The following SLCO2B1 variants were observed in gnomAD, a reference collection of about 807,000 sequenced individuals.
SLCO2B1 encodes the protein OATP-RP2.
SLCO2B1 carries 41 observed loss-of-function variants against 67.3 expected under a neutral mutation model. The ratio of observed to expected loss-of-function variants is 0.61; its 90% CI spans 0.47 to 0.79. The LOEUF is 0.79. Ranked by LOEUF, SLCO2B1 falls within the 30% of genes least tolerant of loss-of-function variation. The probability of loss-of-function intolerance (pLI) is 0.00; values close to 1 mark genes in which losing one functional copy is unlikely to be tolerated. For synonymous variants in SLCO2B1, 379 were observed against 381.4 expected, an observed-to-expected ratio of 0.99 and a Z score of 0.07; for missense variants, 837 against 920.1, an observed-to-expected ratio of 0.91 and a Z score of 1.17.
At chr11:75,168,582 C>A (rs750014318) in intron 4 of SLCO2B1, among the ~76,000 whole-genome samples, 1 of 152,174 alleles carries the variant, frequency 6.6e-6, no homozygotes, top group Admixed American at 6.5e-5. Context: ...GAACCCTCCC[C>A]CAAAGTGAAT....
intron 2 of SLCO2B1, 58 bp downstream of exon 2, chr11:75,162,843 G>C: frequency 6.4e-7 from 1 of 1,569,850 alleles, no homozygotes; most frequent in African/African-American, 1.4e-5. Context: ...TCTGCCACGT[G>C]CTGGTGGTGT....
intron 7 of SLCO2B1, 71 bp from the exon 8 acceptor site, chr11:75,188,065 C>A: frequency 9.4e-7 from 1 of 1,061,688 alleles, no homozygotes; most frequent in Non-Finnish European, 1.4e-6. Flanking sequence ...CTCTCCTCCC[C>A]AGCCCACAGC....
chr11:75,197,073 G>A (rs924428283), intron 10 of SLCO2B1, among the ~76,000 whole-genome samples: 6 of 152,212 alleles, frequency 3.9e-5, no homozygotes, highest in African/African-American at 1.4e-4. Context: ...CTGAGATCAT[G>A]CCATTACACT....
In SLCO2B1 at chr11:75,193,149, C is replaced by A; in HGVS notation, c.1076-69C>A. On this transcript the variant is annotated intron_variant, in intron 8 of 13. Transcript: ENST00000289575. The surrounding 1 kb of genome is among the most constrained non-coding windows in gnomAD (Gnocchi z 4.2). ...ATGGAACTGCTTGAACTGAGCAGGG[C>A]AGGAGGGCAGTCTCTGCTGGACAGC... 3 of 1,146,496 alleles carry A rather than the reference C, an allele frequency of 2.6e-6. No homozygotes were observed. The highest frequency in any genetic ancestry group is 3.8e-6 in the Non-Finnish European group (3 of 793,712). The allele number at this position is 1,146,496 out of a possible 1,614,324, so 71.0% of individuals were successfully genotyped here.
intron 8 of SLCO2B1, among the ~76,000 whole-genome samples, chr11:75,191,455 G>A (rs1019117398): frequency 6.6e-6 from 1 of 152,176 alleles, no homozygotes; most frequent in Non-Finnish European, 1.5e-5. Context: ...AGGAACCAGG[G>A]ACAGGAGGCA....
At chr11:75,201,633 T>C (rs374247257) in intron 11 of SLCO2B1, 2 of 152,370 alleles carry the variant, frequency 1.3e-5, no homozygotes, top group African/African-American at 4.8e-5. Context: ...TTGAGTTTGC[T>C]TTATTTGCTA....
chr11:75,204,273 A>G (rs1377078823), intron 13 of SLCO2B1, 127 bp from the exon 14 acceptor site: 51 of 977,926 alleles, frequency 5.2e-5, no homozygotes, highest in South Asian at 5.5e-5. Context: ...TCCAGGGAAG[A>G]GCCACAGCAG....
intron 5 of SLCO2B1, 98 bp downstream of exon 5, chr11:75,169,504 C>T (rs974726118): frequency 7.9e-6 from 10 of 1,269,566 alleles, no homozygotes; most frequent in South Asian, 1.4e-5. Flanking sequence ...GAATCCCTGC[C>T]CCCTGCCCCA....
At chr11:75,182,677 G>A (rs947318556) in intron 7 of SLCO2B1, among the ~76,000 whole-genome samples, 2 of 152,092 alleles carry the variant, frequency 1.3e-5, no homozygotes, top group Non-Finnish European at 2.9e-5. Flanking sequence ...GGGAGGCAGA[G>A]GTTGCAGTGA....
chr11:75,180,153 A>C (rs184903090), intron 7 of SLCO2B1, among the ~76,000 whole-genome samples: 4 of 152,114 alleles, frequency 2.6e-5, no homozygotes, highest in Admixed American at 2.6e-4. Flanking sequence ...AAGTAGCTGG[A>C]ATACAGGCAT....
In SLCO2B1 at chr11:75,160,908, A is replaced by G. The variant is rs1480690281; in HGVS notation, c.17-1747A>G. On this transcript the variant is annotated intron_variant, in intron 1 of 13. Transcript: ENST00000289575. ...CCACCTCTACCCTATGAGGATGGCT[A>G]TAATTGAAAAGGCAGACAATGAAAG... is the stretch of plus-strand genomic sequence containing the variant. Among the ~76,000 whole-genome samples the G allele has an allele frequency of 2.0e-5, 3 of 152,252 alleles. No individual in the cohort carries two copies. In the East Asian group the frequency reaches 5.8e-4, roughly 29 times the overall value.
chr11:75,159,818 A>G (rs1949793141), intron 1 of SLCO2B1: 5 of 984,674 alleles, frequency 5.1e-6, no homozygotes, highest in Non-Finnish European at 6.0e-6. Context: ...ACTCCCAGGA[A>G]GGCTTTGAGC....
Position 75,193,450 on chromosome 11 carries a change from C to T in SLCO2B1, c.1308C>T (p.His436=). 1 of 1,613,354 alleles carries T rather than the reference C, an allele frequency of 6.2e-7. No individual in the cohort carries two copies. The highest frequency in any genetic ancestry group is 8.5e-7 in the Non-Finnish European group (1 of 1,179,388). Residue 436 remains histidine, a synonymous_variant, in exon 9 of 14, where the codon CAC becomes CAT. Coordinates refer to ENST00000289575, the MANE Select transcript of SLCO2B1 (RefSeq NM_007256.5). This position sits in a 1 kb window ranked among gnomAD's most constrained non-coding sequence, Gnocchi z 4.2. The part of the protein sequence containing the change: ...VVGGVLVKRL[H]LGPVGCGALC... ...GTGGCGTCCTGGTCAAGCGGCTCCA[C>T]CTGGGCCCTGTGGGATGCGGTGCCC... is the stretch of plus-strand genomic sequence containing the variant.
intron 4 of SLCO2B1, among the ~76,000 whole-genome samples, 194 bp downstream of exon 4, chr11:75,166,143 G>T (rs1340995752): frequency 1.3e-5 from 2 of 152,160 alleles, no homozygotes; most frequent in East Asian, 3.9e-4. Flanking sequence ...TGGGGAGTGC[G>T]GTAGGAAGTA....
At position 75,172,480 on chromosome 11, in the gene SLCO2B1, T is replaced by A. The variant is rs773995538; in HGVS notation, c.883T>A (p.Phe295Ile). ...AGTGGCCCTGGCTGCCATCCCCTAC[T>A]TCTTCTTCCCCAAGGAAATGCCCAA... Reference protein sequence around the residue: ...GAVALAAIPYFFFPKEMPKEK... With the variant: ...GAVALAAIPYIFFPKEMPKEK... The change falls in exon 7 of 14, where the codon TTC (phenylalanine) becomes ATC (isoleucine). Residue 295 changes from phenylalanine (F) to isoleucine (I), a missense_variant. Transcript: ENST00000289575. The A allele has an allele frequency of 1.2e-6, 2 of 1,614,168 alleles. No homozygotes were observed. The highest frequency in any genetic ancestry group is 8.5e-7 in the Non-Finnish European group (1 of 1,180,010).
intron 6 of SLCO2B1, among the ~76,000 whole-genome samples, chr11:75,170,781 C>G (rs545934322): frequency 1.3e-5 from 2 of 152,256 alleles, no homozygotes; most frequent in East Asian, 3.9e-4. Flanking sequence ...GCGACCCCTC[C>G]CTCCCCTGAA....
At position 75,162,943 on chromosome 11, in the gene SLCO2B1, T is replaced by C. The variant is rs1949840454; in HGVS notation, c.147+158T>C. On this transcript the variant is annotated intron_variant, in intron 2 of 13. Transcript: ENST00000289575. ...TCAAAGGGATGATCTGCGAAAGCAC[T>C]CAGCTGGGTTTCGGGCACATGGAAG... 28 of 882,042 alleles carry C rather than the reference T, an allele frequency of 3.2e-5. No homozygotes were observed. The South Asian group carries it at 4.9e-4, about 15-fold the overall frequency. 54.6% of individuals were successfully genotyped at this position (882,042 alleles called of 1,614,324 possible).
chr11:75,152,135 C>A (rs1038295041), intron 1 of SLCO2B1, among the ~76,000 whole-genome samples: 1 of 152,240 alleles, frequency 6.6e-6, no homozygotes, highest in Admixed American at 6.5e-5. Context: ...GACAAGGAAT[C>A]GCCTTGTAGC....
chr11:75,155,971 T>C (rs1485454932), intron 1 of SLCO2B1, among the ~76,000 whole-genome samples: 1 of 152,150 alleles, frequency 6.6e-6, no homozygotes, highest in East Asian at 1.9e-4. Flanking sequence ...TCCTTGGGAC[T>C]GAGCCTGTAC....
Sources: gnomAD v4.1 joint callset for allele counts (sites outside exome capture counted in the v4.1 genomes callset) on GRCh38, gnomAD v4.1.1 for gene constraint, Gnocchi (gnomAD v3.1) non-coding constraint, MANE v1.5 for transcripts, NCBI Gene and HGNC (gene_info 2026-07-23, HGNC 2026-07-21) for gene names.